The following ZNF180 variants were observed in gnomAD, a reference collection of about 807,000 sequenced individuals.
ZNF180 encodes zinc finger protein 180, also known as zinc finger protein 180 (HHZ168).
Under a neutral mutation model 11.8 loss-of-function variants are expected in ZNF180, and 11 were observed. That is an observed-to-expected ratio of 0.93 (90% CI 0.59 to 1.55). The LOEUF (loss-of-function observed/expected upper bound fraction) is 1.55, where lower values mean the gene tolerates loss of function less well. ZNF180 is among the 40% of genes most tolerant of loss of function. The pLI, the probability that ZNF180 is intolerant of heterozygous loss-of-function variation, is 0.00. For missense variants in ZNF180, 773 were observed against 781.7 expected (o/e 0.99, Z 0.13); for synonymous variants, 287 against 257.7 (o/e 1.11, Z -1.09).
At chr19:44,494,241 T>C (rs998975044) in intron 2 of ZNF180, among the ~76,000 whole-genome samples, 3 of 152,110 alleles carry the variant, frequency 2.0e-5, no homozygotes, top group African/African-American at 7.2e-5. Flanking sequence ...TCAATAAATA[T>C]GTGACAAAAG....
chr19:44,497,401 A>C lies in ZNF180; in HGVS notation c.-43-24T>G, dbSNP rs752401151. ...CACTGAGAGAAGCCCCAAGTACAGC[A>C]TGAAGATGTAGGTCTGCCGGAACCG... On this transcript the variant is annotated intron_variant, in intron 1 of 4. Coordinates refer to ENST00000592529, the MANE Select transcript of ZNF180 (RefSeq NM_001278509.3). 2.5e-6 allele frequency: 4 copies of C among 1,576,676 alleles called. No homozygotes were observed. In the South Asian group the frequency reaches 3.5e-5, roughly 14 times the overall value.
At chr19:44,494,051 T>C (rs1970514418) in intron 2 of ZNF180, among the ~76,000 whole-genome samples, 1 of 152,170 alleles carries the variant, frequency 6.6e-6, no homozygotes, top group Non-Finnish European at 1.5e-5. Context: ...CTGCAAAATT[T>C]TGGGGTATGT....
intron 2 of ZNF180, among the ~76,000 whole-genome samples, chr19:44,490,153 G>C (rs1970411684): frequency 9.5e-6 from 1 of 104,910 alleles, no homozygotes. Context: ...AAGGGAAAAA[G>C]GAAATAGGAG....
chr19:44,500,061 C>A, intron 1 of ZNF180: 9 of 1,300,224 alleles, frequency 6.9e-6, no homozygotes, highest in Non-Finnish European at 9.9e-6. Context: ...GACAAGAGCA[C>A]CACCTGACCA....
chr19:44,486,903 G>T (rs1045953894), intron 2 of ZNF180, among the ~76,000 whole-genome samples: 2 of 152,140 alleles, frequency 1.3e-5, no homozygotes, highest in Non-Finnish European at 2.9e-5. Context: ...ATACAAATTA[G>T]CTAGGTGTGG....
rs1355386729 is a variant in ZNF180 at position 44,476,684 on chromosome 19, A to G, written c.1716T>C (p.His572=). 5 of 1,614,212 alleles carry G rather than the reference A, an allele frequency of 3.1e-6. No individual in the cohort carries two copies. Among genetic ancestry groups the G allele is most frequent in the East Asian group, 4.5e-5 (2 of 44,886 alleles). ...TGCATTCATAGGGCTTTTCTCCAGT[A>G]TGAGTTCTCTGATGTACAACAAGAA... is the stretch of plus-strand genomic sequence containing the variant. The part of the protein sequence containing the change: ...SYVLVVHQRT[H]TGEKPYECSQ... The change falls in exon 5 of 5, where the codon CAT becomes CAC. Residue 572 remains histidine, a synonymous_variant. Transcript: ENST00000592529.
chr19:44,495,476 C>T lies in ZNF180; in HGVS notation c.51+1808G>A, dbSNP rs1970554922. Among the ~76,000 whole-genome samples the T allele has an allele frequency of 1.3e-5, 2 of 152,048 alleles. No homozygotes were observed. Among genetic ancestry groups the T allele is most frequent in the African/African-American group, 2.4e-5 (1 of 41,402 alleles). On this transcript the variant is annotated intron_variant, in intron 2 of 4. Transcript: ENST00000592529. The surrounding 1 kb of genome is among the most constrained non-coding windows in gnomAD (Gnocchi z 4.5). ...CTGCAGGCCACCCTCACGCATGATG[C>T]CCTCAACATGCTCATGCTCTGACAT...
chr19:44,490,039 A>G (rs1970399769), intron 2 of ZNF180, among the ~76,000 whole-genome samples: 1 of 111,248 alleles, frequency 9.0e-6, no homozygotes. Context: ...GGAAAGAAAG[A>G]GGGAAGGGAA....
At chr19:44,497,195 G>A in intron 2 of ZNF180, 89 bp downstream of exon 2, 1 of 1,212,910 alleles carries the variant, frequency 8.2e-7, no homozygotes. Context: ...CCCCCTAAAA[G>A]GCTGCAAAGA....
intron 3 of ZNF180, among the ~76,000 whole-genome samples, chr19:44,481,361 C>A (rs988005378): frequency 6.6e-6 from 1 of 152,042 alleles, no homozygotes; most frequent in African/African-American, 2.4e-5. Context: ...CATGATTAGC[C>A]CAACGTGAAA....
chr19:44,478,210 G>T, intron 4 of ZNF180, 64 bp from the exon 5 acceptor site: 2 of 1,436,446 alleles, frequency 1.4e-6, no homozygotes, highest in Non-Finnish European at 1.8e-6. Context: ...ATGGAATAAA[G>T]CTAACAAGAA....
Position 44,477,522 on chromosome 19 carries a change from T to C in ZNF180, c.878A>G (p.Gln293Arg), listed in dbSNP as rs1212373212. Residue 293 changes from glutamine to arginine, a missense_variant, in exon 5 of 5, where the codon CAG (glutamine) becomes CGG (arginine). Gln to Arg is a conservative substitution (Grantham distance 43, BLOSUM62 1). Coordinates refer to ENST00000592529, the MANE Select transcript of ZNF180 (RefSeq NM_001278509.3). Reference sequence around the variant, plus strand: ...TTGACTCTCTTCAAAAGGAATTCTCTGTTGTTCATTATGGGATATTTTGGG... The same window carrying C: ...TTGACTCTCTTCAAAAGGAATTCTCCGTTGTTCATTATGGGATATTTTGGG... ...LNPKISHNEQQRIPFEESQYK... is the reference protein window; with the variant it reads ...LNPKISHNEQRRIPFEESQYK... 1 of 1,614,154 alleles carries C rather than the reference T, an allele frequency of 6.2e-7. No homozygotes were observed. Among genetic ancestry groups the C allele is most frequent in the Admixed American group, 1.7e-5 (1 of 60,024 alleles).
intron 2 of ZNF180, among the ~76,000 whole-genome samples, chr19:44,496,998 C>T (rs1287739122): frequency 2.0e-5 from 3 of 152,204 alleles, no homozygotes; most frequent in Admixed American, 1.3e-4. Context: ...AGTATATTTC[C>T]AATTGTTCAT....
In ZNF180 at chr19:44,500,491, G is replaced by C. The variant is rs527666488; in HGVS notation, c.-260C>G. On this transcript the variant is annotated 5_prime_UTR_variant, in exon 1 of 5. Transcript: ENST00000592529. ...GGGCCGAGCTGCTCGGCGACAGCAA[G>C]CGTCCGCGCGCGGGACAATGGCTGC... 7 of 547,978 alleles carry C rather than the reference G, an allele frequency of 1.3e-5. No homozygotes were observed. Among genetic ancestry groups the C allele is most frequent in the Middle Eastern group, 4.8e-4 (1 of 2,066 alleles). The allele number at this position is 547,978 out of a possible 1,614,324, so 33.9% of individuals were successfully genotyped here. A position where few individuals can be genotyped will look rare whatever the true frequency, so the allele number is the denominator to read the frequency against.
At chr19:44,498,344 A>G (rs1349799744) in intron 1 of ZNF180, among the ~76,000 whole-genome samples, 1 of 152,022 alleles carries the variant, frequency 6.6e-6, no homozygotes, top group Non-Finnish European at 1.5e-5. Context: ...TCTGCACTCC[A>G]TCTCTCCCAC....
rs752085685 is a variant in ZNF180, at chr19:44,476,604, G to C, written c.1796C>G (p.Thr599Ser). Residue 599 changes from threonine (T) to serine (S), a missense_variant, in exon 5 of 5, where the codon ACT becomes AGT. By Grantham distance (58) the Thr-to-Ser change is moderately conservative. Coordinates refer to ENST00000592529, the MANE Select transcript of ZNF180 (RefSeq NM_001278509.3). ...TTCAAATGGTTTCTCTCCAGTATGAGTTCTCTGATGTTGAGTAAGGCATGA... is the reference window on the plus strand; with the variant it reads ...TTCAAATGGTTTCTCTCCAGTATGACTTCTCTGATGTTGAGTAAGGCATGA... The part of the protein sequence containing the change: ...QSSCLTQHQR[T>S]HTGEKPFECN... 1 of 1,614,076 alleles carries C rather than the reference G, an allele frequency of 6.2e-7. No individual in the cohort carries two copies. The highest frequency in any genetic ancestry group is 1.7e-5 in the Admixed American group (1 of 60,020).
rs1970166828 is a variant in ZNF180 at position 44,484,383 on chromosome 19, C to T, written c.104G>A (p.Gly35Glu). 6.2e-7 allele frequency: 1 copy of T among 1,613,822 alleles called. No homozygotes were observed. Among genetic ancestry groups the T allele is most frequent in the African/African-American group, 1.3e-5 (1 of 74,894 alleles). The change falls in exon 3 of 5, where the codon GGG becomes GAG. Residue 35 changes from glycine to glutamate, a missense_variant. Gly to Glu is a moderately conservative substitution (Grantham distance 98, BLOSUM62 -2). Transcript: ENST00000592529. The stretch of plus-strand genomic sequence containing the variant: ...TACCTGAGATGGGATGGTCAGAGAC[C>T]CAGTGTCTTCTCCCTCGACTTTGAT... ...IIIKVEGEDT[G>E]SLTIPSQEGV...
In ZNF180 at chr19:44,477,782, T is replaced by G. The variant is rs148363174; in HGVS notation, c.618A>C (p.Val206=). 6.2e-7 allele frequency: 1 copy of G among 1,613,918 alleles called. No homozygotes were observed. Among genetic ancestry groups the G allele is most frequent in the Non-Finnish European group, 8.5e-7 (1 of 1,179,980 alleles). Residue 206 remains valine, a synonymous_variant, in exon 5 of 5, where the codon GTA becomes GTC. Transcript: ENST00000592529. ...TCTCATTAATCTTCTGATGACTGTT[T>G]ACAGCAGCATTAAGATGCCATTTTT... The part of the protein sequence containing the change: ...HAKKWHLNAA[V]NSHQKINENE...
chr19:44,487,440 T>C (rs1225488343), intron 2 of ZNF180, among the ~76,000 whole-genome samples: 4 of 152,196 alleles, frequency 2.6e-5, no homozygotes, highest in Admixed American at 1.3e-4. Context: ...TGCCTTTTTA[T>C]TTTTTGTAGA....
Sources: gnomAD v4.1 joint callset for allele counts (sites outside exome capture counted in the v4.1 genomes callset) on GRCh38, gnomAD v4.1.1 for gene constraint, Gnocchi (gnomAD v3.1) non-coding constraint, MANE v1.5 for transcripts, NCBI Gene and HGNC (gene_info 2026-07-23, HGNC 2026-07-21) for gene names.